Variants in TFCP2L1 observed in about 807,000 individuals in gnomAD.
TFCP2L1 encodes the protein transcription factor CP2 like 1.
TFCP2L1 carries 12 observed loss-of-function variants against 72.2 expected under a neutral mutation model. The observed-to-expected ratio is 0.17, with a 90% CI of 0.11 to 0.27. TFCP2L1 has a LOEUF of 0.27. Ranked by LOEUF, TFCP2L1 falls within the 10% of genes least tolerant of loss-of-function variation. TFCP2L1 has a pLI of 1.00. For synonymous variants in TFCP2L1, 260 were observed against 251.0 expected (o/e 1.04, Z -0.34); for missense variants, 488 against 624.6 (o/e 0.78, Z 2.33).
intron 1 of TFCP2L1, among the ~76,000 whole-genome samples, chr2:121,283,477 C>T (rs1040080956): frequency 3.3e-5 from 5 of 152,150 alleles, no homozygotes. Flanking sequence ...CATGGTCCCC[C>T]GATGACCCCA....
chr2:121,228,228 A>G (rs1236127849), intron 13 of TFCP2L1, among the ~76,000 whole-genome samples: 3 of 152,220 alleles, frequency 2.0e-5, no homozygotes, highest in African/African-American at 7.2e-5. Flanking sequence ...ACACAGGACA[A>G]GCTGAGGAAG....
intron 2 of TFCP2L1, among the ~76,000 whole-genome samples, chr2:121,250,411 AATG>A (rs1372885632): frequency 7.9e-5 from 12 of 151,420 alleles, no homozygotes; most frequent in Admixed American, 2.6e-4. Flanking sequence ...TATAATCTCA[AATG>A]ATGATATCTC....
intron 7 of TFCP2L1, chr2:121,240,240 A>T: frequency 1.0e-6 from 1 of 985,410 alleles, no homozygotes; most frequent in Non-Finnish European, 1.2e-6. Flanking sequence ...ATCCACAAAC[A>T]TGAAAGATGT....
chr2:121,239,200 G>C (rs1258109420), intron 8 of TFCP2L1, among the ~76,000 whole-genome samples: 1 of 152,142 alleles, frequency 6.6e-6, no homozygotes, highest in Non-Finnish European at 1.5e-5. Flanking sequence ...TGACCATGCT[G>C]GACAAAGAAC....
chr2:121,237,755 G>C, intron 9 of TFCP2L1, 39 bp from the exon 10 acceptor site: 1 of 1,613,968 alleles, frequency 6.2e-7, no homozygotes, highest in Non-Finnish European at 8.5e-7. Flanking sequence ...TGGTGGCTCA[G>C]GGCCCACGAG....
rs937297171 is a variant in TFCP2L1 at position 121,220,854 on chromosome 2, T to C, written c.*3487A>G. The C allele has an allele frequency of 6.6e-6, 1 of 152,222 alleles. No homozygotes were observed. Among genetic ancestry groups the C allele is most frequent in the African/African-American group, 2.4e-5 (1 of 41,460 alleles). The allele number at this position is 152,222 out of a possible 1,614,324, so 9.4% of individuals were successfully genotyped here. ...TTTTTTTGGTATTTATTATTTTCTATTCTTTCATAAGCTATAAGCTTTAAC... is the reference window on the plus strand; with the variant it reads ...TTTTTTTGGTATTTATTATTTTCTACTCTTTCATAAGCTATAAGCTTTAAC... On this transcript the variant is annotated 3_prime_UTR_variant, in exon 15 of 15. Transcript: ENST00000263707.
intron 2 of TFCP2L1, among the ~76,000 whole-genome samples, chr2:121,266,718 A>G (rs1385868323): frequency 6.6e-6 from 1 of 152,166 alleles, no homozygotes; most frequent in East Asian, 1.9e-4. Context: ...TGAAAGGGTG[A>G]CCTGCCCTGG....
At chr2:121,264,750 A>C (rs1280885027) in intron 2 of TFCP2L1, among the ~76,000 whole-genome samples, 1 of 152,004 alleles carries the variant, frequency 6.6e-6, no homozygotes, top group Non-Finnish European at 1.5e-5. Flanking sequence ...GCTTTGGGAC[A>C]CTCTGCTTTA....
rs144143471 is a variant in TFCP2L1, at chr2:121,225,316, T to C, written c.1393+246A>G. Among the ~76,000 whole-genome samples the C allele has an allele frequency of 2.9e-3, 441 of 152,286 alleles. 2 individuals carry two copies. Among genetic ancestry groups the C allele is most frequent in the African/African-American group, 0.01 (417 of 41,548 alleles). Reference sequence around the variant, plus strand: ...GAGGACCCCAGGAAACCCACAATGCTTCTACTCAACACTGAGTTCATAGAA... The same window carrying C: ...GAGGACCCCAGGAAACCCACAATGCCTCTACTCAACACTGAGTTCATAGAA... On this transcript the variant is annotated intron_variant, in intron 14 of 14. Transcript: ENST00000263707.
At chr2:121,234,723 G>A (rs532189067) in intron 11 of TFCP2L1, among the ~76,000 whole-genome samples, 4 of 152,306 alleles carry the variant, frequency 2.6e-5, no homozygotes, top group Middle Eastern at 3.4e-3. Context: ...CATCAGCCTC[G>A]GTCCAAGTGC....
intron 2 of TFCP2L1, among the ~76,000 whole-genome samples, chr2:121,260,074 C>A (rs897799698): frequency 3.3e-5 from 5 of 152,142 alleles, no homozygotes; most frequent in African/African-American, 4.8e-5. Flanking sequence ...GTAAGACAGG[C>A]AGAAGCCCCA....
intron 2 of TFCP2L1, among the ~76,000 whole-genome samples, chr2:121,263,864 G>A (rs1686878038): frequency 6.6e-6 from 1 of 152,358 alleles, no homozygotes; most frequent in East Asian, 1.9e-4. Flanking sequence ...TGGGGCAGAG[G>A]TGGGTGACTT....
chr2:121,264,884 T>G (rs1400574907), intron 2 of TFCP2L1, among the ~76,000 whole-genome samples: 1 of 152,192 alleles, frequency 6.6e-6, no homozygotes, highest in East Asian at 1.9e-4. Flanking sequence ...CCTCCTGTAT[T>G]GCTGGTAACA....
chr2:121,269,950 A>G (rs1251322592), intron 2 of TFCP2L1, among the ~76,000 whole-genome samples: 1 of 149,486 alleles, frequency 6.7e-6, no homozygotes, highest in Non-Finnish European at 1.5e-5. Flanking sequence ...AAAGAAATAA[A>G]CTAATTTAAA....
chr2:121,276,352 G>C (rs1308444054), intron 2 of TFCP2L1, among the ~76,000 whole-genome samples: 1 of 151,922 alleles, frequency 6.6e-6, no homozygotes, highest in Non-Finnish European at 1.5e-5. Flanking sequence ...TGCTGAGAAT[G>C]ATGGGTTTTT....
intron 2 of TFCP2L1, among the ~76,000 whole-genome samples, chr2:121,256,341 G>A (rs989991055): frequency 1.3e-5 from 2 of 152,198 alleles, no homozygotes; most frequent in Non-Finnish European, 2.9e-5. Flanking sequence ...AGGAAAGAAC[G>A]AGGAGCCCAG....
intron 2 of TFCP2L1, among the ~76,000 whole-genome samples, chr2:121,267,917 A>G (rs978754563): frequency 6.6e-6 from 1 of 152,232 alleles, no homozygotes; most frequent in African/African-American, 2.4e-5. Flanking sequence ...ATGGTGGCGC[A>G]CATCTGTAAT....
Position 121,239,646 on chromosome 2 carries a change from A to G in TFCP2L1, c.772T>C (p.Ser258Pro). ...TGGTAGGCCACGTCGGGCCATGGAG[A>G]GCACTGCAGGAGAGAGCACAGGGCG... is the stretch of plus-strand genomic sequence containing the variant. Reference protein sequence around the residue: ...SYETTILTECSPWPDVAYQVN... With the variant: ...SYETTILTECPPWPDVAYQVN... Residue 258 changes from serine (S) to proline (P), a missense_variant, in exon 8 of 15, where the codon TCT becomes CCT. Ser to Pro is a moderately conservative substitution (Grantham distance 74). This residue lies in a region of TFCP2L1 where 286 missense variants were observed against 329.0 expected (regional missense o/e 0.87). Transcript: ENST00000263707. 1 of 1,613,998 alleles carries G rather than the reference A, an allele frequency of 6.2e-7. No homozygotes were observed. Among genetic ancestry groups the G allele is most frequent in the Non-Finnish European group, 8.5e-7 (1 of 1,179,954 alleles).
chr2:121,227,927 C>T (rs1449965551), intron 13 of TFCP2L1, among the ~76,000 whole-genome samples: 1 of 152,238 alleles, frequency 6.6e-6, no homozygotes, highest in Non-Finnish European at 1.5e-5. Flanking sequence ...TGGCCTGCTC[C>T]ATCTAGCACT....
Sources: allele counts gnomAD v4.1 joint callset (sites outside exome capture counted in the v4.1 genomes callset), GRCh38; gene constraint gnomAD v4.1.1; regional missense constraint gnomAD v4.1.1; transcripts MANE v1.5; gene names NCBI Gene and HGNC (gene_info 2026-07-23, HGNC 2026-07-21).